Variants in ASCC3 observed in about 807,000 individuals in gnomAD.
The protein encoded by ASCC3 is activating signal cointegrator 1 complex subunit 3.
Under a neutral mutation model 256.3 loss-of-function variants are expected in ASCC3, and 158 were observed. The ratio of observed to expected loss-of-function variants is 0.62; its 90% confidence interval spans 0.54 to 0.70. The LOEUF is 0.70. ASCC3 is among the 30% of genes least tolerant of loss of function. ASCC3 has a pLI of 0.00. For missense variants in ASCC3, 2,259 were observed against 2,626.0 expected, an observed-to-expected ratio of 0.86 and a Z score of 3.05; for synonymous variants, 948 against 883.4, an observed-to-expected ratio of 1.07 and a Z score of -1.30.
chr6:100,665,581 C>CAA (rs34217961), intron 14 of ASCC3, among the ~76,000 whole-genome samples: 5 of 146,216 alleles, frequency 3.4e-5, no homozygotes, highest in Non-Finnish European at 6.0e-5. Context: ...AACAAACAAA[C>CAA]AAAAAAAAAA....
intron 30 of ASCC3, among the ~76,000 whole-genome samples, chr6:100,622,674 A>G (rs1228946740): frequency 1.3e-5 from 2 of 151,746 alleles, no homozygotes; most frequent in Non-Finnish European, 2.9e-5. Flanking sequence ...ATATTTGTTA[A>G]TAAATACAAT....
chr6:100,611,400 C>A (rs1773390138), intron 30 of ASCC3, among the ~76,000 whole-genome samples: 1 of 152,004 alleles, frequency 6.6e-6, no homozygotes, highest in Non-Finnish European at 1.5e-5. Flanking sequence ...TTATATACAT[C>A]TTTGTTACTG....
chr6:100,538,068 A>G (rs190552482), intron 37 of ASCC3, among the ~76,000 whole-genome samples: 114 of 152,212 alleles, frequency 7.5e-4, no homozygotes, highest in African/African-American at 2.5e-3. Context: ...AAAATGAATC[A>G]ATGAACTGAT....
intron 3 of ASCC3, among the ~76,000 whole-genome samples, chr6:100,855,171 T>G (rs1350351926): frequency 6.6e-6 from 1 of 151,970 alleles, no homozygotes; most frequent in Non-Finnish European, 1.5e-5. Context: ...TGGAGTGCAG[T>G]GGCACAATCT....
chr6:100,713,050 G>A (rs1412979683), intron 13 of ASCC3, among the ~76,000 whole-genome samples: 1 of 152,014 alleles, frequency 6.6e-6, no homozygotes, highest in Non-Finnish European at 1.5e-5. Context: ...GAGCCACCAT[G>A]CCCAGCGCAA....
At chr6:100,745,320 C>A (rs1021602399) in intron 10 of ASCC3, among the ~76,000 whole-genome samples, 4 of 149,710 alleles carry the variant, frequency 2.7e-5, no homozygotes, top group African/African-American at 9.9e-5. Flanking sequence ...GAGCGAGACT[C>A]CATCTCAAAA....
intron 10 of ASCC3, among the ~76,000 whole-genome samples, chr6:100,740,936 C>A (rs1780406629): frequency 6.6e-6 from 1 of 152,178 alleles, no homozygotes; most frequent in South Asian, 2.1e-4. Flanking sequence ...TTGATCCTGT[C>A]ATCATGATAT....
At chr6:100,564,416 T>G (rs1306606920) in intron 36 of ASCC3, among the ~76,000 whole-genome samples, 2 of 152,144 alleles carry the variant, frequency 1.3e-5, no homozygotes, top group Non-Finnish European at 2.9e-5. Flanking sequence ...GAGATCAATT[T>G]TATTTTAGCT....
intron 4 of ASCC3, among the ~76,000 whole-genome samples, chr6:100,818,936 A>G (rs1305398063): frequency 1.3e-5 from 2 of 152,246 alleles, no homozygotes; most frequent in Non-Finnish European, 1.5e-5. Context: ...TCAGTGATAG[A>G]CTGGATTAAG....
In ASCC3 at chr6:100,767,333, C is replaced by T. The variant is rs561262419; in HGVS notation, c.1408G>A (p.Ala470Thr). ...TTGAGTCTCTTCATTCCTTTAAAAGCCAGCTGTCCGATCTAAAAAAAAAAG... is the reference window on the plus strand; with the variant it reads ...TTGAGTCTCTTCATTCCTTTAAAAGTCAGCTGTCCGATCTAAAAAAAAAAG... ...IQDLDEIGQL[A>T]FKGMKRLNRI... is the part of the protein sequence containing the mutation. Residue 470 changes from alanine to threonine, a missense_variant, in exon 9 of 42, where the codon GCT (alanine) becomes ACT (threonine). Coordinates refer to ENST00000369162, the MANE Select transcript of ASCC3 (RefSeq NM_006828.4). The T allele has an allele frequency of 6.5e-7, 1 of 1,546,010 alleles. No individual in the cohort carries two copies. Among genetic ancestry groups the T allele is most frequent in the Non-Finnish European group, 8.7e-7 (1 of 1,152,882 alleles).
At chr6:100,880,920 T>C (rs1278001998) in intron 1 of ASCC3, 141 bp downstream of exon 1, 2 of 152,244 alleles carry the variant, frequency 1.3e-5, no homozygotes, top group African/African-American at 4.8e-5. Flanking sequence ...CTGAAAAGGA[T>C]GACAGGTCGG....
intron 36 of ASCC3, among the ~76,000 whole-genome samples, chr6:100,548,422 T>C (rs1357530977): frequency 6.6e-6 from 1 of 151,986 alleles, no homozygotes; most frequent in Non-Finnish European, 1.5e-5. Context: ...ATGACGATAG[T>C]ATTAAATCCT....
At chr6:100,518,902 T>C (rs1242710427) in intron 37 of ASCC3, among the ~76,000 whole-genome samples, 1 of 152,268 alleles carries the variant, frequency 6.6e-6, no homozygotes, top group Non-Finnish European at 1.5e-5. Context: ...AGCTATTTTA[T>C]ACAGTTTTAG....
chr6:100,635,203 A>G (rs1417385926), intron 25 of ASCC3, among the ~76,000 whole-genome samples: 1 of 152,076 alleles, frequency 6.6e-6, no homozygotes, highest in African/African-American at 2.4e-5. Flanking sequence ...GTGTGTGTAT[A>G]TATATATATG....
chr6:100,766,816 C>G, intron 9 of ASCC3, 111 bp from the exon 10 acceptor site: 1 of 1,335,248 alleles, frequency 7.5e-7, no homozygotes, highest in Non-Finnish European at 1.1e-6. Context: ...CTAACTACTT[C>G]CAGTGAAAAA....
chr6:100,827,572 T>C (rs705587), intron 4 of ASCC3, among the ~76,000 whole-genome samples: 2,497 of 152,258 alleles, frequency 0.016, 76 homozygotes, highest in African/African-American at 0.058. Flanking sequence ...GTTTACCCAT[T>C]TACCTAATGA....
At chr6:100,771,875 T>TG (rs1162024125) in intron 8 of ASCC3, among the ~76,000 whole-genome samples, 3,475 of 129,056 alleles carry the variant, frequency 0.027, 169 homozygotes, top group East Asian at 0.067. Flanking sequence ...AGTTTTTTTT[T>TG]TTTTTTTTTT....
At chr6:100,702,203 G>A (rs1778389549) in intron 13 of ASCC3, among the ~76,000 whole-genome samples, 1 of 152,100 alleles carries the variant, frequency 6.6e-6, no homozygotes, top group African/African-American at 2.4e-5. Context: ...CGTAGTGGTG[G>A]CAGAAAGAGG....
chr6:100,847,082 T>C (rs1407736679), intron 4 of ASCC3, among the ~76,000 whole-genome samples: 1 of 152,082 alleles, frequency 6.6e-6, no homozygotes, highest in Non-Finnish European at 1.5e-5. Flanking sequence ...ACTTTAAAAT[T>C]GTGGTGAAAG....
Sources: gnomAD v4.1 joint callset for allele counts (sites outside exome capture counted in the v4.1 genomes callset) on GRCh38, gnomAD v4.1.1 for gene constraint, MANE v1.5 for transcripts, NCBI Gene and HGNC (gene_info 2026-07-23, HGNC 2026-07-21) for gene names.